Variants in TPTE2 observed in about 807,000 individuals in gnomAD.
TPTE2 encodes phosphatidylinositol 3,4,5-trisphosphate 3-phosphatase TPTE2.
A neutral mutation model predicts 78.6 loss-of-function variants in TPTE2; 53 were observed. The observed-to-expected ratio is 0.67, with a 90% CI of 0.54 to 0.85. TPTE2 has a LOEUF of 0.85. TPTE2 is among the 40% of genes least tolerant of loss of function. TPTE2 has a pLI of 0.00. For synonymous variants in TPTE2, 175 were observed against 206.2 expected, an observed-to-expected ratio of 0.85 and a Z score of 1.30; for missense variants, 461 against 623.0, an observed-to-expected ratio of 0.74 and a Z score of 2.77.
intron 1 of TPTE2, among the ~76,000 whole-genome samples, chr13:19,524,965 T>C (rs1870406268): frequency 1.3e-5 from 2 of 152,152 alleles, no homozygotes; most frequent in Admixed American, 6.5e-5. Flanking sequence ...AGTACAGACA[T>C]TATTTCATAG....
intron 17 of TPTE2, among the ~76,000 whole-genome samples, chr13:19,427,084 T>C (rs551036761): frequency 5.7e-5 from 7 of 123,236 alleles, no homozygotes; most frequent in Non-Finnish European, 1.0e-4. Context: ...CTTTTCTTTT[T>C]TTTTTTTTTT....
At chr13:19,512,863 C>A (rs1446754885) in intron 1 of TPTE2, among the ~76,000 whole-genome samples, 1 of 152,178 alleles carries the variant, frequency 6.6e-6, no homozygotes, top group Non-Finnish European at 1.5e-5. Flanking sequence ...AGGCTTCAGC[C>A]ACCATGCCCA....
chr13:19,544,068 A>AAAAAAAG, the TPTE2 span, among the ~76,000 whole-genome samples: 1 of 148,782 alleles, frequency 6.7e-6, no homozygotes. Flanking sequence ...CTCAAAAAAA[A>AAAAAAAG]AAAAAAAAAA....
chr13:19,514,592 A>AGTGTGTGTGTGTGTGTGTGTGTGT (rs151110694), intron 1 of TPTE2, among the ~76,000 whole-genome samples: 2,592 of 126,678 alleles, frequency 0.02, 120 homozygotes, highest in East Asian at 0.041. Context: ...TACTTCTGAG[A>AGTGTGTGTGTGTGTGTGTGTGTGT]GTGTGTGTGT....
rs547619634 is a variant in TPTE2, at chr13:19,477,716, C to T, written c.180-2093G>A. Among the ~76,000 whole-genome samples, 25 of 152,232 alleles carry T rather than the reference C, an allele frequency of 1.6e-4. 1 individual carries two copies. The South Asian group carries it at 5.2e-3, about 32-fold the overall frequency. ...GAAGAAGTGGCTTGGGTGGCTTTAGCCCCTTAATCTGTTTCAGTGTTCCCT... is the reference window on the plus strand; with the variant it reads ...GAAGAAGTGGCTTGGGTGGCTTTAGTCCCTTAATCTGTTTCAGTGTTCCCT... On this transcript the variant is annotated intron_variant, in intron 4 of 19. Transcript: ENST00000400230.
At chr13:19,469,679 G>A (rs1028737105) in intron 6 of TPTE2, among the ~76,000 whole-genome samples, 1 of 151,716 alleles carries the variant, frequency 6.6e-6, no homozygotes, top group African/African-American at 2.4e-5. Context: ...TCCATTTCTT[G>A]GTGTCCTCTT....
chr13:19,460,249 G>A (rs1342254784), intron 10 of TPTE2, among the ~76,000 whole-genome samples: 2 of 152,232 alleles, frequency 1.3e-5, no homozygotes, highest in African/African-American at 4.8e-5. Flanking sequence ...CATGAGAGAA[G>A]CATGGTTTCC....
chr13:19,560,846 T>C, the TPTE2 span: 1 of 1,558,824 alleles, frequency 6.4e-7, no homozygotes. Context: ...CCGCAGGCTC[T>C]TGGTGAAGCG....
intron 3 of TPTE2, among the ~76,000 whole-genome samples, chr13:19,491,868 G>A (rs564739236): frequency 4.6e-5 from 7 of 152,100 alleles, no homozygotes; most frequent in Non-Finnish European, 7.4e-5. Flanking sequence ...TTGCCCATGC[G>A]TCCAACGTCC....
rs548293155 is a variant in TPTE2 at position 19,477,805 on chromosome 13, T to C, written c.180-2182A>G. ...GGTTAAAAAAAGTGTACTATGTAAA[T>C]GCAGCTTCAAGCAGTTATGTGCAGA... On this transcript the variant is annotated intron_variant, in intron 4 of 19. Coordinates refer to ENST00000400230, the Ensembl canonical transcript of TPTE2. Among the ~76,000 whole-genome samples the C allele has an allele frequency of 5.9e-5, 9 of 152,332 alleles. 1 individual carries two copies. In the South Asian group the frequency reaches 1.7e-3, roughly 28 times the overall value.
chr13:19,555,832 T>TTTTTTTTG, the TPTE2 span, among the ~76,000 whole-genome samples: 1 of 79,308 alleles, frequency 1.3e-5, no homozygotes. Flanking sequence ...TTTTTTTTTT[T>TTTTTTTTG]GAGATGGAGT....
At chr13:19,442,315 C>T (rs1228964432) in intron 13 of TPTE2, among the ~76,000 whole-genome samples, 1 of 151,166 alleles carries the variant, frequency 6.6e-6, no homozygotes, top group Admixed American at 6.6e-5. Flanking sequence ...AATAAGGAAG[C>T]ACACTTCTAC....
At chr13:19,461,728 G>C (rs1878910259) in intron 10 of TPTE2, among the ~76,000 whole-genome samples, 1 of 152,104 alleles carries the variant, frequency 6.6e-6, no homozygotes, top group African/African-American at 2.4e-5. Context: ...TTATTGCTAA[G>C]TTGATCTCTT....
chr13:19,491,337 A>C (rs1880977146), intron 3 of TPTE2, among the ~76,000 whole-genome samples: 1 of 152,196 alleles, frequency 6.6e-6, no homozygotes, highest in Non-Finnish European at 1.5e-5. Context: ...ACTATTAGCA[A>C]ATACATTTTT....
intron 1 of TPTE2, among the ~76,000 whole-genome samples, chr13:19,530,463 T>C (rs1870797938): frequency 6.6e-6 from 1 of 152,354 alleles, no homozygotes; most frequent in South Asian, 2.1e-4. Flanking sequence ...GGGGATAATA[T>C]GTGCTTCTCT....
At chr13:19,425,783 C>A (rs759335620) in intron 18 of TPTE2, 3 of 509,066 alleles carry the variant, frequency 5.9e-6, no homozygotes, top group African/African-American at 1.9e-5. Context: ...GAGCACAGGT[C>A]TCCTGGATGG....
At chr13:19,503,086 G>T in intron 1 of TPTE2, 138 bp downstream of exon 4, 2 of 1,214,354 alleles carry the variant, frequency 1.6e-6, no homozygotes, top group Non-Finnish European at 2.4e-6. Context: ...ATGGGTTAGT[G>T]GATGTGTTTG....
chr13:19,454,909 G>C, intron 10 of TPTE2, among the ~76,000 whole-genome samples: 1 of 152,096 alleles, frequency 6.6e-6, no homozygotes, highest in East Asian at 1.9e-4. Context: ...AACTTAACCT[G>C]CTTTAAAAAA....
upstream of TPTE2, among the ~76,000 whole-genome samples, chr13:19,508,252 A>T (rs73164664): frequency 6.6e-6 from 1 of 152,198 alleles, no homozygotes; most frequent in Non-Finnish European, 1.5e-5. Flanking sequence ...CAGACAGAGT[A>T]GCCAACAACC....
Sources: gnomAD v4.1 joint callset for allele counts (sites outside exome capture counted in the v4.1 genomes callset) on GRCh38, gnomAD v4.1.1 for gene constraint, MANE v1.5 for transcripts, NCBI Gene and HGNC (gene_info 2026-07-23, HGNC 2026-07-21) for gene names.